The following GHR variants were observed in gnomAD, a reference collection of about 807,000 sequenced individuals.
GHR encodes GH receptor.
GHR carries 35 observed loss-of-function variants against 67.1 expected under a neutral mutation model. That is an observed-to-expected ratio of 0.52 (90% confidence interval 0.40 to 0.69). The LOEUF is 0.69. GHR is among the 30% of genes least tolerant of loss of function. The pLI, the probability that GHR is intolerant of heterozygous loss-of-function variation, is 0.00. For synonymous variants in GHR, 272 were observed against 269.1 expected (o/e 1.01, Z -0.10); for missense variants, 792 against 764.6 (o/e 1.04, Z -0.42).
At chr5:42,512,503 C>T (rs1172681640) in intron 1 of GHR, among the ~76,000 whole-genome samples, 1 of 152,146 alleles carries the variant, frequency 6.6e-6, no homozygotes, top group Non-Finnish European at 1.5e-5. Flanking sequence ...CCTTTCTCAC[C>T]TGATCCCTCC....
At chr5:42,437,262 T>C (rs1743365638) in intron 1 of GHR, among the ~76,000 whole-genome samples, 1 of 152,208 alleles carries the variant, frequency 6.6e-6, no homozygotes, top group Non-Finnish European at 1.5e-5. Flanking sequence ...AACCATTTTC[T>C]TTGCTTATAT....
intron 3 of GHR, among the ~76,000 whole-genome samples, chr5:42,664,189 A>G (rs1161506216): frequency 6.6e-6 from 1 of 152,238 alleles, no homozygotes; most frequent in Non-Finnish European, 1.5e-5. Flanking sequence ...TATAGATTCA[A>G]TGCCATCCCC....
intron 3 of GHR, among the ~76,000 whole-genome samples, chr5:42,682,247 G>C (rs903675588): frequency 3.9e-5 from 6 of 152,222 alleles, no homozygotes; most frequent in Non-Finnish European, 5.9e-5. Context: ...GCAAAGTTAG[G>C]CTCTCTTGTT....
At chr5:42,482,104 G>A (rs971079363) in intron 1 of GHR, among the ~76,000 whole-genome samples, 1 of 152,170 alleles carries the variant, frequency 6.6e-6, no homozygotes, top group African/African-American at 2.4e-5. Context: ...CTAACAGACA[G>A]GACCCTCAGC....
chr5:42,545,226 C>A (rs978323629), intron 1 of GHR, among the ~76,000 whole-genome samples: 5 of 152,152 alleles, frequency 3.3e-5, no homozygotes, highest in Admixed American at 3.3e-4. Flanking sequence ...GGACTTTATT[C>A]TCAATCTAAT....
intron 6 of GHR, among the ~76,000 whole-genome samples, chr5:42,708,155 C>T (rs1446952624): frequency 2.0e-5 from 3 of 152,098 alleles, no homozygotes; most frequent in Non-Finnish European, 2.9e-5. Flanking sequence ...CATTTTTCCA[C>T]TAACCTGTAA....
intron 2 of GHR, among the ~76,000 whole-genome samples, chr5:42,586,513 G>A (rs1351631007): frequency 2.0e-5 from 3 of 152,154 alleles, no homozygotes; most frequent in African/African-American, 7.2e-5. Context: ...TTGGATTTAG[G>A]GATCTAGATT....
intron 1 of GHR, among the ~76,000 whole-genome samples, chr5:42,561,745 C>T (rs558382274): frequency 2.5e-4 from 38 of 152,280 alleles, no homozygotes; most frequent in Non-Finnish European, 4.6e-4. Flanking sequence ...TTTTTAATCC[C>T]TCCTGCTGAA....
At chr5:42,623,419 G>A (rs1393497173) in intron 2 of GHR, among the ~76,000 whole-genome samples, 1 of 152,082 alleles carries the variant, frequency 6.6e-6, no homozygotes, top group Non-Finnish European at 1.5e-5. Flanking sequence ...TCCCTGATGT[G>A]CCCCTGCTTC....
chr5:42,565,444 T>C, intron 1 of GHR: 1 of 984,510 alleles, frequency 1.0e-6, no homozygotes, highest in African/African-American at 1.7e-5. Context: ...ATGATTGTTA[T>C]GTTTTTCCTT....
intron 1 of GHR, among the ~76,000 whole-genome samples, chr5:42,562,740 T>G (rs1320909814): frequency 1.5e-5 from 2 of 136,076 alleles, no homozygotes; most frequent in African/African-American, 5.5e-5. Context: ...AACCTCCACC[T>G]CCCTGGTTCA....
In GHR at chr5:42,648,712, AGTG is replaced by A. The variant is rs199624411; in HGVS notation, c.136+19618_136+19620del. Among the ~76,000 whole-genome samples the A allele has an allele frequency of 3.0e-3, 454 of 151,084 alleles. 1 individual carries two copies. The highest frequency in any genetic ancestry group is 0.011 in the African/African-American group (439 of 41,180). Reference sequence around the variant, plus strand: ...TAGTACTAGTAGTAGTAGTAGTAGTAGTGGTGGTGGTAGTAATGGTAGTAATAG... The same window carrying A: ...TAGTACTAGTAGTAGTAGTAGTAGTAGTGGTGGTAGTAATGGTAGTAATAG... On this transcript the variant is annotated intron_variant, in intron 3 of 9. Transcript: ENST00000230882.
chr5:42,569,525 T>C (rs1002153298), intron 2 of GHR, among the ~76,000 whole-genome samples: 1 of 152,088 alleles, frequency 6.6e-6, no homozygotes, highest in Non-Finnish European at 1.5e-5. Context: ...AGAGGAAGTG[T>C]ATGCCATATC....
At chr5:42,713,136 T>C (rs910950120) in intron 7 of GHR, among the ~76,000 whole-genome samples, 4 of 152,146 alleles carry the variant, frequency 2.6e-5, no homozygotes, top group Admixed American at 2.0e-4. Flanking sequence ...ACACATAGTA[T>C]GCTTAAAGCA....
At chr5:42,568,599 G>A (rs1024071298) in intron 2 of GHR, among the ~76,000 whole-genome samples, 7 of 152,134 alleles carry the variant, frequency 4.6e-5, no homozygotes, top group African/African-American at 4.8e-5. Context: ...AAATTAGGTC[G>A]TATATCTCTA....
At chr5:42,708,554 A>G (rs1026124355) in intron 6 of GHR, among the ~76,000 whole-genome samples, 9 of 152,218 alleles carry the variant, frequency 5.9e-5, no homozygotes, top group African/African-American at 2.2e-4. Flanking sequence ...TGATAGGTAT[A>G]ACCCAACTAA....
At chr5:42,644,174 G>T (rs560031883) in intron 3 of GHR, among the ~76,000 whole-genome samples, 2 of 152,042 alleles carry the variant, frequency 1.3e-5, no homozygotes, top group Non-Finnish European at 2.9e-5. Context: ...TTGGACCCAC[G>T]TTAATCTTAC....
At chr5:42,436,673 T>C (rs760614671) in intron 1 of GHR, among the ~76,000 whole-genome samples, 4 of 152,238 alleles carry the variant, frequency 2.6e-5, no homozygotes, top group South Asian at 2.1e-4. Context: ...TTTATGATTG[T>C]ATAATGTGCC....
intron 1 of GHR, among the ~76,000 whole-genome samples, chr5:42,457,399 A>G (rs1744306719): frequency 6.6e-6 from 1 of 152,258 alleles, no homozygotes; most frequent in Admixed American, 6.5e-5. Flanking sequence ...GATGGCAATA[A>G]TAAAAATAAC....
Sources: gnomAD v4.1 joint callset for allele counts (sites outside exome capture counted in the v4.1 genomes callset) on GRCh38, gnomAD v4.1.1 for gene constraint, MANE v1.5 for transcripts, NCBI Gene and HGNC (gene_info 2026-07-23, HGNC 2026-07-21) for gene names.